The following CSMD1 variants were observed in gnomAD, a reference collection of about 807,000 sequenced individuals.
CSMD1 encodes the protein CUB and Sushi multiple domains 1.
CSMD1 carries 213 observed loss-of-function variants against 417.5 expected under a neutral mutation model. The ratio of observed to expected loss-of-function variants is 0.51; its 90% CI spans 0.46 to 0.57. The LOEUF (loss-of-function observed/expected upper bound fraction) is 0.57, where lower values mean the gene tolerates loss of function less well. Among genes scored for constraint, CSMD1 ranks in the 20% least tolerant of loss-of-function variants. CSMD1 has a pLI of 0.00. For synonymous variants in CSMD1, 2,862 were observed against 1,736.8 expected (o/e 1.65, Z -16.11); for missense variants, 6,923 against 4,529.7 (o/e 1.53, Z -15.17).
At chr8:4,823,285 A>C (rs150683696) in intron 1 of CSMD1, among the ~76,000 whole-genome samples, 66 of 152,138 alleles carry the variant, frequency 4.3e-4, no homozygotes, top group African/African-American at 1.5e-3. Flanking sequence ...GGAATTAAAA[A>C]CAATTAATTA....
chr8:3,968,730 T>TA (rs1219292445), intron 5 of CSMD1, among the ~76,000 whole-genome samples: 1 of 152,162 alleles, frequency 6.6e-6, no homozygotes, highest in Non-Finnish European at 1.5e-5. Flanking sequence ...AATGTGTAAA[T>TA]AGCATTTAAG....
intron 5 of CSMD1, among the ~76,000 whole-genome samples, chr8:3,922,163 G>T (rs554639271): frequency 1.3e-5 from 2 of 151,740 alleles, no homozygotes; most frequent in Non-Finnish European, 1.5e-5. Flanking sequence ...TTTGCCTAAT[G>T]TCTATTTTGT....
chr8:3,028,521 T>G (rs1370917129), intron 51 of CSMD1, among the ~76,000 whole-genome samples: 1 of 152,188 alleles, frequency 6.6e-6, no homozygotes, highest in Non-Finnish European at 1.5e-5. Flanking sequence ...TTATGAAAGC[T>G]TTGAGCTCCC....
chr8:4,874,247 C>A (rs1802908583), intron 1 of CSMD1, among the ~76,000 whole-genome samples: 1 of 152,008 alleles, frequency 6.6e-6, no homozygotes, highest in Admixed American at 6.5e-5. Flanking sequence ...TGGTTTTCAT[C>A]AAATTACGTG....
chr8:4,331,508 G>A (rs1448167798), intron 3 of CSMD1, among the ~76,000 whole-genome samples: 1 of 152,112 alleles, frequency 6.6e-6, no homozygotes, highest in Non-Finnish European at 1.5e-5. Flanking sequence ...ACATGTTTCA[G>A]TGTTGTTGTA....
rs796788727 is a variant in CSMD1 at position 3,412,199 on chromosome 8, T to TAC, written c.1562-2596_1562-2595dup. On this transcript the variant is annotated intron_variant, in intron 12 of 69. Transcript: ENST00000635120. ...ATATATATACACACATATACATACA[T>TAC]ACACACACACACACCACTGTTTCTT... Among the ~76,000 whole-genome samples the TAC allele has an allele frequency of 1.4e-4, 17 of 121,732 alleles. 3 individuals carry two copies. In the East Asian group the frequency reaches 2.5e-3, roughly 18 times the overall value. 79.9% of individuals were successfully genotyped at this position (121,732 alleles called of 152,430 possible).
chr8:4,674,093 C>G lies in CSMD1; in HGVS notation c.86-36535G>C, dbSNP rs1805524573. On this transcript the variant is annotated intron_variant, in intron 1 of 69. Transcript: ENST00000635120. The stretch of plus-strand genomic sequence containing the variant: ...CTTTCTCACTTATATGCATTATTCT[C>G]TTTATATAAACCAGATTCAAACATT... Among the ~76,000 whole-genome samples, 4 of 152,246 alleles carry G rather than the reference C, an allele frequency of 2.6e-5. No homozygotes were observed. The South Asian group carries it at 6.2e-4, about 24-fold the overall frequency.
intron 3 of CSMD1, among the ~76,000 whole-genome samples, chr8:4,201,710 C>A (rs1013783476): frequency 9.2e-5 from 14 of 151,746 alleles, no homozygotes; most frequent in Admixed American, 9.2e-4. Flanking sequence ...AAATGAAGAG[C>A]TAGGAAAAAT....
At chr8:3,580,144 T>C (rs946414471) in intron 9 of CSMD1, among the ~76,000 whole-genome samples, 1 of 151,994 alleles carries the variant, frequency 6.6e-6, no homozygotes, top group Non-Finnish European at 1.5e-5. Flanking sequence ...AAAGTATACA[T>C]GCAGTGCTCA....
At chr8:4,046,774 T>A (rs1464945403) in intron 3 of CSMD1, among the ~76,000 whole-genome samples, 1 of 152,208 alleles carries the variant, frequency 6.6e-6, no homozygotes, top group African/African-American at 2.4e-5. Flanking sequence ...ATATTGTAAT[T>A]AATGCACAGC....
chr8:3,775,133 G>A (rs1470064358), intron 5 of CSMD1, among the ~76,000 whole-genome samples: 1 of 152,196 alleles, frequency 6.6e-6, no homozygotes, highest in Non-Finnish European at 1.5e-5. Context: ...GTAGGTAACT[G>A]AAACTGCAGA....
chr8:3,927,069 T>C (rs1042005039), intron 5 of CSMD1, among the ~76,000 whole-genome samples: 10 of 151,980 alleles, frequency 6.6e-5, no homozygotes, highest in African/African-American at 1.7e-4. Flanking sequence ...AGAGGTAATT[T>C]AGTATTTATT....
intron 7 of CSMD1, among the ~76,000 whole-genome samples, chr8:3,634,159 C>G (rs1341877300): frequency 6.6e-6 from 1 of 152,132 alleles, no homozygotes; most frequent in African/African-American, 2.4e-5. Context: ...CTTGGAATGT[C>G]CTAGCTTATG....
intron 1 of CSMD1, among the ~76,000 whole-genome samples, chr8:4,809,023 C>G (rs1016884424): frequency 2.6e-5 from 4 of 152,148 alleles, no homozygotes; most frequent in African/African-American, 9.7e-5. Context: ...AGTTGTCTTG[C>G]CGAGTTTTAC....
At chr8:3,565,447 C>T (rs78803048) in intron 10 of CSMD1, among the ~76,000 whole-genome samples, 1 of 152,232 alleles carries the variant, frequency 6.6e-6, no homozygotes, top group East Asian at 1.9e-4. Flanking sequence ...TCCACCAATC[C>T]GTGAATCGCC....
At chr8:3,009,869 C>G (rs953065164) in intron 52 of CSMD1, among the ~76,000 whole-genome samples, 1 of 152,224 alleles carries the variant, frequency 6.6e-6, no homozygotes, top group Non-Finnish European at 1.5e-5. Flanking sequence ...CTTCACACAT[C>G]TTAGTGAATG....
chr8:3,223,890 G>C (rs750029066), intron 27 of CSMD1, 23 bp from the exon 28 acceptor site: 1 of 1,612,732 alleles, frequency 6.2e-7, no homozygotes. Flanking sequence ...AAAAGTTACA[G>C]AGAAAAAGTA....
Position 4,937,200 on chromosome 8 carries a change from C to G in CSMD1, c.85+57132G>C, listed in dbSNP as rs188400575. Among the ~76,000 whole-genome samples the G allele has an allele frequency of 4.0e-5, 6 of 151,556 alleles. No individual in the cohort carries two copies. In the Admixed American group the frequency reaches 4.0e-4, roughly 10 times the overall value. On this transcript the variant is annotated intron_variant, in intron 1 of 69. Coordinates refer to ENST00000635120, the MANE Select transcript of CSMD1 (RefSeq NM_033225.6). The stretch of plus-strand genomic sequence containing the variant: ...TGCATTACAGCCTGAGCAACAGAGC[C>G]AGGCCCTGTCTCAAAATAAATAAAT...
chr8:3,057,460 G>T (rs1275415889), intron 49 of CSMD1, among the ~76,000 whole-genome samples: 1 of 152,100 alleles, frequency 6.6e-6, no homozygotes, highest in African/African-American at 2.4e-5. Context: ...ATGTGTGTGT[G>T]TTTGTGTATA....
Sources: gnomAD v4.1 joint callset for allele counts (sites outside exome capture counted in the v4.1 genomes callset) on GRCh38, gnomAD v4.1.1 for gene constraint, MANE v1.5 for transcripts, NCBI Gene and HGNC (gene_info 2026-07-23, HGNC 2026-07-21) for gene names.